NCOA6: variants seen among roughly 807,000 people sequenced by gnomAD.
NCOA6 encodes the protein nuclear receptor coactivator 6.
Under a neutral mutation model 171.4 loss-of-function variants are expected in NCOA6, and 49 were observed. The observed-to-expected ratio is 0.29, with a 90% CI of 0.23 to 0.36. NCOA6 has a LOEUF of 0.36. Ranked by LOEUF, NCOA6 falls within the 10% of genes least tolerant of loss-of-function variation. The pLI, the probability that NCOA6 is intolerant of heterozygous loss-of-function variation, is 1.00. For synonymous variants in NCOA6, 910 were observed against 927.5 expected (o/e 0.98, Z 0.34); for missense variants, 2,248 against 2,554.5 (o/e 0.88, Z 2.59).
chr20:34,750,512 T>A lies in NCOA6; in HGVS notation c.1683A>T (p.Gln561His), dbSNP rs1203557530. 6.4e-7 allele frequency: 1 copy of A among 1,565,278 alleles called. No homozygotes were observed. Among genetic ancestry groups the A allele is most frequent in the Admixed American group, 2.1e-5 (1 of 48,458 alleles). Reference sequence around the variant, plus strand: ...TCTGGTTTTGAGGAGGACCAGCTCCTTGACCACCTTAAAAAAAAAAAAAGT... The same window carrying A: ...TCTGGTTTTGAGGAGGACCAGCTCCATGACCACCTTAAAAAAAAAAAAAGT... ...ANQNVQHAGG[Q>H]GAGPPQNQMQ... The change falls in exon 9 of 15, where the codon CAA becomes CAT. Residue 561 changes from glutamine (Q) to histidine (H), a missense_variant. Physicochemically the swap from Gln to His is conservative, Grantham distance 24 (BLOSUM62 0). Transcript: ENST00000359003.
chr20:34,799,496 A>C (rs1052912241), intron 1 of NCOA6, among the ~76,000 whole-genome samples: 2 of 152,236 alleles, frequency 1.3e-5, no homozygotes, highest in African/African-American at 4.8e-5. Flanking sequence ...GTTATAGAAC[A>C]CAAGCCAGTT....
chr20:34,822,926 G>A (rs2146806535), intron 1 of NCOA6, among the ~76,000 whole-genome samples: 1 of 152,250 alleles, frequency 6.6e-6, no homozygotes, highest in South Asian at 2.1e-4. Context: ...CTGTGACTCT[G>A]TAACAACAGA....
intron 2 of NCOA6, among the ~76,000 whole-genome samples, chr20:34,783,915 TTTATTTATTTATGGCAC>T (rs1422012601): frequency 3.3e-5 from 5 of 151,872 alleles, no homozygotes; most frequent in South Asian, 2.1e-4. Context: ...TGAGCCACCT[TTTATTTATTTATGGCAC>T]TTATTTATTT....
In NCOA6 at chr20:34,727,297, C is replaced by A. The variant is rs765094449; in HGVS notation, c.6110G>T (p.Arg2037Leu). 7 of 1,614,052 alleles carry A rather than the reference C, an allele frequency of 4.3e-6. No homozygotes were observed. The African/African-American group carries it at 9.3e-5, about 22-fold the overall frequency. ...SESVENGHRK[R>L]SSRPASASSS... is the part of the protein sequence containing the mutation. ...GGAGGCTGAAGCAGGTCGAGAAGAT[C>A]GTTTACGATGTCCATTTTCCACACT... The change falls in exon 14 of 15, where the codon CGA becomes CTA. Residue 2037 changes from arginine (R) to leucine (L), a missense_variant. Physicochemically the swap from Arg to Leu is moderately radical, Grantham distance 102. This residue lies in a region of NCOA6 where 884 missense variants were observed against 941.9 expected (regional missense o/e 0.94). Transcript: ENST00000359003.
intron 14 of NCOA6, among the ~76,000 whole-genome samples, chr20:34,719,313 G>A (rs1460768478): frequency 6.6e-6 from 1 of 151,842 alleles, no homozygotes; most frequent in Non-Finnish European, 1.5e-5. Context: ...ATTTCTATCC[G>A]AGACGTCTAA....
At position 34,740,492 on chromosome 20, in the gene NCOA6, C is replaced by T. The variant is rs761632621; in HGVS notation, c.5764G>A (p.Val1922Ile). Residue 1922 changes from valine to isoleucine, a missense_variant, in exon 11 of 15, where the codon GTA becomes ATA. Physicochemically the swap from Val to Ile is conservative, Grantham distance 29. Coordinates refer to ENST00000359003, the MANE Select transcript of NCOA6 (RefSeq NM_014071.5). ...TSVRSIVTTL[V>I]PSELISAVPT... ...ACGGCGGAGATGAGCTCGGAGGGTA[C>T]CAGAGTGGTTACTATCGAGCGTACA... 6.2e-7 allele frequency: 1 copy of T among 1,614,142 alleles called. No homozygotes were observed. The highest frequency in any genetic ancestry group is 8.5e-7 in the Non-Finnish European group (1 of 1,180,028).
At chr20:34,785,629 A>T (rs533187909) in intron 2 of NCOA6, among the ~76,000 whole-genome samples, 4 of 152,134 alleles carry the variant, frequency 2.6e-5, no homozygotes, top group Admixed American at 1.3e-4. Flanking sequence ...TGCCTAAAAA[A>T]CTATGACTAT....
intron 3 of NCOA6, 69 bp from the exon 4 acceptor site, chr20:34,776,517 C>A: frequency 6.4e-7 from 1 of 1,553,242 alleles, no homozygotes; most frequent in East Asian, 2.3e-5. Flanking sequence ...AATTAAAAAA[C>A]AAACCAAAAG....
At chr20:34,781,202 G>C (rs896294154) in intron 3 of NCOA6, among the ~76,000 whole-genome samples, 3 of 152,126 alleles carry the variant, frequency 2.0e-5, no homozygotes, top group Admixed American at 2.0e-4. Flanking sequence ...AAAAACAACA[G>C]CTTCCGTCCA....
intron 8 of NCOA6, 111 bp from the exon 9 acceptor site, chr20:34,750,630 G>C (rs1049160480): frequency 8.5e-7 from 1 of 1,171,144 alleles, no homozygotes; most frequent in African/African-American, 1.6e-5. Context: ...TATATCCACT[G>C]ACCAACATAA....
chr20:34,791,030 G>A (rs1478740343), intron 2 of NCOA6, among the ~76,000 whole-genome samples: 1 of 152,016 alleles, frequency 6.6e-6, no homozygotes, highest in Non-Finnish European at 1.5e-5. Flanking sequence ...GGAGGTATAG[G>A]GGATGGGGAA....
At chr20:34,764,626 A>G (rs2076919006) in intron 5 of NCOA6, among the ~76,000 whole-genome samples, 1 of 151,884 alleles carries the variant, frequency 6.6e-6, no homozygotes, top group Admixed American at 6.6e-5. Context: ...CAGAGCTCGC[A>G]GTGAGCCAAG....
At chr20:34,756,332 A>C (rs1338007607) in intron 7 of NCOA6, among the ~76,000 whole-genome samples, 7 of 152,244 alleles carry the variant, frequency 4.6e-5, no homozygotes. Flanking sequence ...GCTGATGAGC[A>C]ACTTAACTTC....
chr20:34,806,822 A>C (rs539785012), intron 1 of NCOA6, among the ~76,000 whole-genome samples: 2 of 152,318 alleles, frequency 1.3e-5, no homozygotes, highest in East Asian at 3.9e-4. Flanking sequence ...TATACTTTCA[A>C]GTCAAGAAGT....
Position 34,749,681 on chromosome 20 carries a change from T to C in NCOA6, c.2514A>G (p.Gly838=), listed in dbSNP as rs2076408917. 1 of 1,614,174 alleles carries C rather than the reference T, an allele frequency of 6.2e-7. No individual in the cohort carries two copies. The highest frequency in any genetic ancestry group is 8.5e-7 in the Non-Finnish European group (1 of 1,179,998). ...MVPPHVQAMQ[G]NSASGNHFSG... ...AGAAGTGGTTTCCCGAGGCACTGTTTCCCTGCATGGCCTGCACATGAGGGG... is the reference window on the plus strand; with the variant it reads ...AGAAGTGGTTTCCCGAGGCACTGTTCCCCTGCATGGCCTGCACATGAGGGG... The change falls in exon 9 of 15, where the codon GGA becomes GGG. Residue 838 remains glycine (G), a synonymous_variant. Transcript: ENST00000359003.
chr20:34,776,279 G>A lies in NCOA6; in HGVS notation c.391+14C>T, dbSNP rs757857655. 3.7e-6 allele frequency: 6 copies of A among 1,611,840 alleles called. No individual in the cohort carries two copies. The highest frequency in any genetic ancestry group is 3.4e-5 in the Admixed American group (2 of 59,556). On this transcript the variant is annotated intron_variant, in intron 4 of 14. Transcript: ENST00000359003. ...TGATTCTGGTCTAGATGGGCACATGGCAAAGTAAAAGACCTTCAATCTGAA... is the reference window on the plus strand; with the variant it reads ...TGATTCTGGTCTAGATGGGCACATGACAAAGTAAAAGACCTTCAATCTGAA...
At chr20:34,732,024 A>G (rs1299037322) in intron 13 of NCOA6, among the ~76,000 whole-genome samples, 1 of 152,206 alleles carries the variant, frequency 6.6e-6, no homozygotes, top group Non-Finnish European at 1.5e-5. Context: ...CTGTCTCCAA[A>G]AAAAGGCATG....
intron 13 of NCOA6, among the ~76,000 whole-genome samples, chr20:34,727,977 G>C (rs1425044626): frequency 6.6e-6 from 1 of 151,858 alleles, no homozygotes; most frequent in African/African-American, 2.4e-5. Flanking sequence ...CACCCACCTC[G>C]GCCTCCCAAA....
chr20:34,749,504 T>C lies in NCOA6; in HGVS notation c.2691A>G (p.Ala897=), dbSNP rs749655642. The change falls in exon 9 of 15, where the codon GCA becomes GCG. Residue 897 remains alanine (A), a synonymous_variant. Transcript: ENST00000359003. ...GCTTATTGTTTACCCCAAAATGGCC[T>C]GCAGATATGTCACTCTGCAATAAGT... ...LVNLLQSDIS[A]GHFGVNNKQN... 1 of 1,614,232 alleles carries C rather than the reference T, an allele frequency of 6.2e-7. No homozygotes were observed. Among genetic ancestry groups the C allele is most frequent in the African/African-American group, 1.3e-5 (1 of 75,050 alleles).
Sources: gnomAD v4.1 joint callset for allele counts (sites outside exome capture counted in the v4.1 genomes callset) on GRCh38, gnomAD v4.1.1 for gene constraint, gnomAD v4.1.1 regional missense constraint, MANE v1.5 for transcripts, NCBI Gene and HGNC (gene_info 2026-07-23, HGNC 2026-07-21) for gene names.